The following PACSIN2 variants were observed in gnomAD, a reference collection of about 807,000 sequenced individuals.
PACSIN2 encodes the protein protein kinase C and casein kinase substrate in neurons protein 2.
Under a neutral mutation model 63.8 loss-of-function variants are expected in PACSIN2, and 25 were observed. That is an observed-to-expected ratio of 0.39 (90% CI 0.29 to 0.55). PACSIN2 has a LOEUF of 0.55. Among genes scored for constraint, PACSIN2 ranks in the 20% least tolerant of loss-of-function variants. The pLI, the probability that PACSIN2 is intolerant of heterozygous loss-of-function variation, is 0.62. For missense variants in PACSIN2, 518 were observed against 646.9 expected (o/e 0.80, Z 2.16); for synonymous variants, 255 against 256.2 (o/e 1.00, Z 0.05).
intron 1 of PACSIN2, among the ~76,000 whole-genome samples, chr22:42,951,249 C>A (rs1223995058): frequency 6.6e-6 from 1 of 152,168 alleles, no homozygotes; most frequent in African/African-American, 2.4e-5. Flanking sequence ...CGATAACCGG[C>A]CTGCAGTATT....
chr22:42,909,195 C>T (rs930728534), intron 2 of PACSIN2, among the ~76,000 whole-genome samples: 10 of 152,130 alleles, frequency 6.6e-5, no homozygotes, highest in East Asian at 1.9e-4. Flanking sequence ...GCAAATCCTA[C>T]GGCACCTGGC....
chr22:42,933,627 G>C (rs1932827679), intron 1 of PACSIN2, among the ~76,000 whole-genome samples: 2 of 152,174 alleles, frequency 1.3e-5, no homozygotes, highest in Admixed American at 6.5e-5. Context: ...TAAAGGGGAA[G>C]TGGCTCCACA....
At chr22:42,895,615 A>G (rs944898129) in intron 2 of PACSIN2, among the ~76,000 whole-genome samples, 3 of 152,246 alleles carry the variant, frequency 2.0e-5, no homozygotes, top group African/African-American at 7.2e-5. Context: ...GCAAATACAC[A>G]TTTACATGAC....
At chr22:42,886,238 G>A (rs1929463901) in intron 5 of PACSIN2, among the ~76,000 whole-genome samples, 1 of 152,236 alleles carries the variant, frequency 6.6e-6, no homozygotes, top group South Asian at 2.1e-4. Context: ...GCAGGGCATA[G>A]AAAGTTCTCA....
chr22:43,010,447 C>T (rs546903018), intron 1 of PACSIN2, among the ~76,000 whole-genome samples: 3 of 148,380 alleles, frequency 2.0e-5, no homozygotes, highest in Non-Finnish European at 4.5e-5. Flanking sequence ...CGGTGGCTCA[C>T]GCCTGTAATC....
intron 1 of PACSIN2, among the ~76,000 whole-genome samples, chr22:42,912,719 C>T (rs577221473): frequency 6.6e-5 from 10 of 152,206 alleles, no homozygotes; most frequent in Non-Finnish European, 1.3e-4. Flanking sequence ...AATTATTTCC[C>T]CTGTTGGAGG....
At chr22:42,948,653 A>C (rs1012607209) in intron 1 of PACSIN2, among the ~76,000 whole-genome samples, 9 of 152,180 alleles carry the variant, frequency 5.9e-5, no homozygotes, top group African/African-American at 2.2e-4. Flanking sequence ...CATCTCTAAA[A>C]AAAAATTTTA....
At chr22:42,880,836 C>G (rs1212720374) in intron 7 of PACSIN2, among the ~76,000 whole-genome samples, 2 of 152,060 alleles carry the variant, frequency 1.3e-5, no homozygotes, top group Non-Finnish European at 2.9e-5. Flanking sequence ...GTATAATGGG[C>G]ACCTCTAAGG....
intron 1 of PACSIN2, among the ~76,000 whole-genome samples, chr22:42,988,498 C>G (rs1481261592): frequency 2.0e-5 from 3 of 152,232 alleles, no homozygotes; most frequent in Admixed American, 6.5e-5. Context: ...AACTGAAAAT[C>G]TGGTTCAAAT....
At chr22:42,976,861 C>T (rs560085653) in intron 1 of PACSIN2, among the ~76,000 whole-genome samples, 72 of 152,264 alleles carry the variant, frequency 4.7e-4, no homozygotes, top group African/African-American at 1.5e-3. Flanking sequence ...ATTTGGCTAA[C>T]GTCAGAGAAT....
At chr22:42,916,416 G>A (rs1285396997) in intron 1 of PACSIN2, among the ~76,000 whole-genome samples, 1 of 151,156 alleles carries the variant, frequency 6.6e-6, no homozygotes, top group Admixed American at 6.6e-5. Flanking sequence ...GGTGGGGATG[G>A]GGGGTGGGGA....
chr22:42,900,198 T>TG (rs938463318), intron 2 of PACSIN2, among the ~76,000 whole-genome samples: 15 of 152,200 alleles, frequency 9.9e-5, no homozygotes, highest in African/African-American at 3.4e-4. Context: ...CTGGTCCAGC[T>TG]GGGGGCCATG....
At chr22:42,898,874 T>C (rs1930477655) in intron 2 of PACSIN2, among the ~76,000 whole-genome samples, 1 of 152,140 alleles carries the variant, frequency 6.6e-6, no homozygotes, top group Admixed American at 6.5e-5. Flanking sequence ...GAAACATCCG[T>C]GCAATCAGGA....
chr22:43,013,227 GAT>G (rs1266782144), intron 1 of PACSIN2, among the ~76,000 whole-genome samples: 2 of 152,198 alleles, frequency 1.3e-5, no homozygotes, highest in Non-Finnish European at 2.9e-5. Context: ...CCAAAAAGTG[GAT>G]AAAGAGTGCA....
chr22:42,980,731 C>T (rs1185592375), intron 1 of PACSIN2, among the ~76,000 whole-genome samples: 39 of 102,328 alleles, frequency 3.8e-4, no homozygotes, highest in Admixed American at 3.2e-4. Flanking sequence ...GCGAGTGATC[C>T]GCCAGCCTCG....
chr22:42,935,949 C>T (rs1932903205), intron 1 of PACSIN2, among the ~76,000 whole-genome samples: 1 of 152,166 alleles, frequency 6.6e-6, no homozygotes, highest in South Asian at 2.1e-4. Flanking sequence ...CACGGTGGCT[C>T]ACGCCTGTAA....
intron 1 of PACSIN2, among the ~76,000 whole-genome samples, chr22:42,919,843 C>T (rs931438751): frequency 6.8e-5 from 10 of 147,040 alleles, no homozygotes; most frequent in African/African-American, 1.8e-4. Context: ...CAGCCAGGCA[C>T]GGTGGTTCAC....
intron 1 of PACSIN2, among the ~76,000 whole-genome samples, chr22:42,986,606 T>C (rs1463782891): frequency 6.6e-6 from 1 of 152,054 alleles, no homozygotes; most frequent in Non-Finnish European, 1.5e-5. Context: ...GGGGTGAAGA[T>C]ACACACTAAA....
chr22:42,880,346 T>G (rs566369640), intron 7 of PACSIN2, among the ~76,000 whole-genome samples: 1 of 152,330 alleles, frequency 6.6e-6, no homozygotes, highest in East Asian at 1.9e-4. Flanking sequence ...CTGACCAAAA[T>G]AGATTGACTG....
Sources: allele counts gnomAD v4.1 joint callset (sites outside exome capture counted in the v4.1 genomes callset), GRCh38; gene constraint gnomAD v4.1.1; transcripts MANE v1.5; gene names NCBI Gene and HGNC (gene_info 2026-07-23, HGNC 2026-07-21).